The following EIF2D variants were observed in gnomAD, a reference collection of about 807,000 sequenced individuals.
The protein encoded by EIF2D is eukaryotic translation initiation factor 2D.
In EIF2D, 56 loss-of-function variants were observed where a neutral mutation model predicts 77.4. That is an observed-to-expected ratio of 0.72 (90% CI 0.58 to 0.90). EIF2D has a LOEUF of 0.90. EIF2D is among the 40% of genes least tolerant of loss of function. The probability of loss-of-function intolerance (pLI) is 0.00; values close to 1 mark genes in which losing one functional copy is unlikely to be tolerated. For missense variants in EIF2D, 574 were observed against 706.5 expected, an observed-to-expected ratio of 0.81 and a Z score of 2.13; for synonymous variants, 230 against 271.0, an observed-to-expected ratio of 0.85 and a Z score of 1.49.
At chr1:206,607,555 C>A (rs537679433) in intron 4 of EIF2D, among the ~76,000 whole-genome samples, 2 of 152,154 alleles carry the variant, frequency 1.3e-5, no homozygotes, top group African/African-American at 2.4e-5. Flanking sequence ...AGCCAACAAT[C>A]TGAGACCAGC....
chr1:206,597,203 G>T lies in EIF2D; in HGVS notation c.1293-8C>A. The T allele has an allele frequency of 1.9e-6, 3 of 1,605,974 alleles. No homozygotes were observed. Among genetic ancestry groups the T allele is most frequent in the Non-Finnish European group, 2.6e-6 (3 of 1,172,812 alleles). On this transcript the variant is annotated splice_polypyrimidine_tract_variant and splice_region_variant and intron_variant, in intron 11 of 14. Coordinates refer to ENST00000271764, the MANE Select transcript of EIF2D (RefSeq NM_006893.3). ...GGATCCAATCTCACAAGACTAAAGGGAAAGAAGAGGCAATGAAGAAATCCT... is the reference window on the plus strand; with the variant it reads ...GGATCCAATCTCACAAGACTAAAGGTAAAGAAGAGGCAATGAAGAAATCCT...
chr1:206,578,721 C>T (rs1186736960), intron 4 of EIF2D, among the ~76,000 whole-genome samples: 1 of 152,178 alleles, frequency 6.6e-6, no homozygotes, highest in Non-Finnish European at 1.5e-5. Flanking sequence ...CCACCCTCAT[C>T]CTGGGGACCC....
rs1249962698 is a variant in EIF2D at position 206,579,360 on chromosome 1, C to A, written c.*254+1332G>T. Among the ~76,000 whole-genome samples, 1 of 152,192 alleles carries A rather than the reference C, an allele frequency of 6.6e-6. No individual in the cohort carries two copies. Among genetic ancestry groups the A allele is most frequent in the South Asian group, 2.1e-4 (1 of 4,838 alleles). ...TATTCTGTCTCTATCTTGGGCCACC[C>A]CAAGAGGCAAAACTGTCTGCTTGGT... On this transcript the variant is annotated intron_variant and NMD_transcript_variant, in intron 4 of 5. Transcript: ENST00000472709. This position sits in a 1 kb window ranked among gnomAD's most constrained non-coding sequence, Gnocchi z 4.2.
At chr1:206,581,828 G>A (rs1223360171) in intron 2 of EIF2D, among the ~76,000 whole-genome samples, 1 of 152,084 alleles carries the variant, frequency 6.6e-6, no homozygotes, top group Non-Finnish European at 1.5e-5. Flanking sequence ...AGGGTGGCGT[G>A]TCTCCCACAT....
In EIF2D at chr1:206,584,526, G is replaced by A. The variant is rs900661125; in HGVS notation, c.139-3364C>T. The A allele has an allele frequency of 5.0e-6, 8 of 1,614,128 alleles. No individual in the cohort carries two copies. Among genetic ancestry groups the A allele is most frequent in the African/African-American group, 1.3e-5 (1 of 75,022 alleles). ...AACCTGGCGGCTACCACGGACAAGC[G>A]GACATCCTTCTACCTGCCCCTAGAT... On this transcript the variant is annotated intron_variant and NMD_transcript_variant, in intron 2 of 5. Coordinates refer to the EIF2D transcript ENST00000472709. This position sits in a 1 kb window ranked among gnomAD's most constrained non-coding sequence, Gnocchi z 4.9.
At chr1:206,593,495 G>C (rs1278414500) in intron 14 of EIF2D, 124 bp downstream of exon 14, 24 of 539,916 alleles carry the variant, frequency 4.4e-5, no homozygotes, top group African/African-American at 4.1e-4. Context: ...GAGCGAGAGA[G>C]AGAGAGAGAG....
At chr1:206,591,940 C>T in intron 14 of EIF2D, 95 bp from the exon 15 acceptor site, 1 of 1,233,222 alleles carries the variant, frequency 8.1e-7, no homozygotes, top group Non-Finnish European at 1.2e-6. Flanking sequence ...TGTCATTCCA[C>T]CCAGCTCAAA....
At chr1:206,581,610 AAG>A (rs1244539069) in intron 2 of EIF2D, among the ~76,000 whole-genome samples, 1 of 147,962 alleles carries the variant, frequency 6.8e-6, no homozygotes, top group African/African-American at 2.5e-5. Context: ...GAAAGAAAGA[AAG>A]AGAGAGAGAC....
Position 206,579,320 on chromosome 1 carries a change from C to G in EIF2D, c.*254+1372G>C. ...ATGCCAATGTCTATATTTGTTAAAT[C>G]ATAACAGAGTTCCCTATTCTGTCTC... On this transcript the variant is annotated intron_variant and NMD_transcript_variant, in intron 4 of 5. Transcript: ENST00000472709. This position sits in a 1 kb window ranked among gnomAD's most constrained non-coding sequence, Gnocchi z 4.2. 6.6e-6 allele frequency among the ~76,000 whole-genome samples: 1 copy of G among 152,316 alleles called. No individual in the cohort carries two copies. The highest frequency in any genetic ancestry group is 6.5e-5 in the Admixed American group (1 of 15,306).
chr1:206,578,148 C>T (rs1274333920), intron 4 of EIF2D, among the ~76,000 whole-genome samples: 3 of 151,798 alleles, frequency 2.0e-5, no homozygotes, highest in Non-Finnish European at 4.4e-5. Context: ...ATTGCTTGAG[C>T]CTAGGAGGTC....
chr1:206,602,585 T>C (rs1572402572), intron 6 of EIF2D, 132 bp from the exon 7 acceptor site: 6 of 787,648 alleles, frequency 7.6e-6, no homozygotes, highest in Non-Finnish European at 2.1e-6. Flanking sequence ...GTACCAAAGC[T>C]CCCAGCCTCT....
intron 2 of EIF2D, chr1:206,586,370 C>T (rs1553407647): frequency 1.9e-5 from 3 of 158,366 alleles, no homozygotes; most frequent in East Asian, 1.9e-4. Context: ...CCCCAATTTC[C>T]CAGCAGATAA....
downstream of EIF2D, among the ~76,000 whole-genome samples, chr1:206,569,303 G>A (rs527482864): frequency 6.6e-6 from 1 of 152,376 alleles, no homozygotes; most frequent in Non-Finnish European, 1.5e-5. Flanking sequence ...ATAGGTTATG[G>A]TTGGTAAATC....
At position 206,591,771 on chromosome 1, in the gene EIF2D, T is replaced by C; in HGVS notation, c.*4A>G. 6.2e-7 allele frequency: 1 copy of C among 1,613,788 alleles called. No individual in the cohort carries two copies. The highest frequency in any genetic ancestry group is 1.7e-5 in the Admixed American group (1 of 60,010). On this transcript the variant is annotated 3_prime_UTR_variant, in exon 15 of 15. Transcript: ENST00000271764. ...GGATCCACCACGTGAGACAAAAGAG[T>C]CTGTCACTTCTTCTTGCCAGGTTTG...
At chr1:206,574,244 G>A (rs1426406131) in intron 4 of EIF2D, among the ~76,000 whole-genome samples, 1 of 152,222 alleles carries the variant, frequency 6.6e-6, no homozygotes, top group Non-Finnish European at 1.5e-5. Context: ...GGAGTGGCCT[G>A]ATCTGTGCTG....
Position 206,608,231 on chromosome 1 carries a change from A to T in EIF2D, c.422+5T>A, listed in dbSNP as rs201670484. ...CCCCAAAGGCACAGTTGCCTGGCAC[A>T]GTACCTGTTCCCCACCAAAGAAATG... On this transcript the variant is annotated splice_donor_5th_base_variant and intron_variant, in intron 4 of 14. Coordinates refer to ENST00000271764, the MANE Select transcript of EIF2D (RefSeq NM_006893.3). 2.8e-4 allele frequency: 450 copies of T among 1,611,396 alleles called. 1 individual carries two copies. Among genetic ancestry groups the T allele is most frequent in the Admixed American group, 8.4e-4 (50 of 59,690 alleles).
intron 2 of EIF2D, among the ~76,000 whole-genome samples, chr1:206,582,040 T>C (rs1371799610): frequency 6.6e-6 from 1 of 152,128 alleles, no homozygotes; most frequent in Non-Finnish European, 1.5e-5. Context: ...AGAATCCTGA[T>C]CCACCCCAAG....
Position 206,597,268 on chromosome 1 carries a change from A to G in EIF2D, c.1293-73T>C, listed in dbSNP as rs572031566. 674 of 1,152,342 alleles carry G rather than the reference A, an allele frequency of 5.8e-4. 8 individuals carry two copies. In the South Asian group the frequency reaches 8.3e-3, roughly 14 times the overall value. 71.4% of individuals were successfully genotyped at this position (1,152,342 alleles called of 1,614,324 possible). A position where few individuals can be genotyped will look rare whatever the true frequency, so the allele number is the denominator to read the frequency against. On this transcript the variant is annotated intron_variant, in intron 11 of 14. Coordinates refer to ENST00000271764, the MANE Select transcript of EIF2D (RefSeq NM_006893.3). ...TGACCTGAAGGCTAATTCAGGATTC[A>G]TCTCTCGTACGGCCTTTATAGACAT...
intron 4 of EIF2D, among the ~76,000 whole-genome samples, chr1:206,574,979 C>T (rs887610976): frequency 6.6e-5 from 10 of 151,438 alleles, no homozygotes; most frequent in African/African-American, 2.4e-4. Context: ...TCCGCCTTAG[C>T]CTCCCGAGTA....
Sources: allele counts gnomAD v4.1 joint callset (sites outside exome capture counted in the v4.1 genomes callset), GRCh38; gene constraint gnomAD v4.1.1; non-coding constraint Gnocchi (gnomAD v3.1); transcripts MANE v1.5; gene names NCBI Gene and HGNC (gene_info 2026-07-23, HGNC 2026-07-21).